Variants in HDAC9 observed in about 807,000 individuals in gnomAD.
HDAC9 encodes MEF-2 interacting transcription repressor (MITR) protein.
A neutral mutation model predicts 139.4 loss-of-function variants in HDAC9; 41 were observed. That is an observed-to-expected ratio of 0.29 (90% CI 0.23 to 0.38). HDAC9 has a LOEUF of 0.38. Ranked by LOEUF, HDAC9 falls within the 10% of genes least tolerant of loss-of-function variation. The pLI, the probability that HDAC9 is intolerant of heterozygous loss-of-function variation, is 1.00. For missense variants in HDAC9, 1,147 were observed against 1,297.0 expected (o/e 0.88, Z 1.78); for synonymous variants, 517 against 476.2 (o/e 1.09, Z -1.12).
Position 18,537,509 on chromosome 7 carries a change from G to A in HDAC9, c.22+41185G>A, listed in dbSNP as rs367771736. Among the ~76,000 whole-genome samples, 10 of 152,082 alleles carry A rather than the reference G, an allele frequency of 6.6e-5. 1 individual carries two copies. Among genetic ancestry groups the A allele is most frequent in the African/African-American group, 2.4e-4 (10 of 41,496 alleles). On this transcript the variant is annotated intron_variant, in intron 2 of 25. Coordinates refer to ENST00000686413, the MANE Select transcript of HDAC9 (RefSeq NM_178425.4). ...TATTTTTAAATAAATAAAATAAATA[G>A]GGATCAAAAGCAGAAACTTTTTTTT...
chr7:18,768,541 T>C (rs1463684351), intron 16 of HDAC9, among the ~76,000 whole-genome samples: 1 of 152,214 alleles, frequency 6.6e-6, no homozygotes, highest in Non-Finnish European at 1.5e-5. Flanking sequence ...TGCAAAATCA[T>C]TCTGGAAAGC....
At chr7:18,913,817 C>A (rs1802949754) in intron 22 of HDAC9, among the ~76,000 whole-genome samples, 1 of 151,996 alleles carries the variant, frequency 6.6e-6, no homozygotes, top group Non-Finnish European at 1.5e-5. Context: ...TATAAGTACT[C>A]ATTGTAAATT....
At chr7:18,900,073 C>A (rs1801557688) in intron 22 of HDAC9, among the ~76,000 whole-genome samples, 1 of 151,984 alleles carries the variant, frequency 6.6e-6, no homozygotes, top group Admixed American at 6.6e-5. Context: ...ACAAAGACTT[C>A]TATCAGCATA....
At chr7:18,243,776 A>G (rs550765201) in intron 2 of HDAC9, among the ~76,000 whole-genome samples, 18 of 152,294 alleles carry the variant, frequency 1.2e-4, no homozygotes, top group Admixed American at 1.0e-3. Context: ...TAAAAAATTT[A>G]TTTTATTTTT....
At chr7:18,592,294 A>G (rs1831221197) in intron 5 of HDAC9, among the ~76,000 whole-genome samples, 1 of 152,118 alleles carries the variant, frequency 6.6e-6, no homozygotes, top group Non-Finnish European at 1.5e-5. Flanking sequence ...GGCTCCTGAC[A>G]CACAACCTGA....
intron 13 of HDAC9, among the ~76,000 whole-genome samples, chr7:18,732,669 A>ATGTGTACACACACGTG (rs1562891987): frequency 8.1e-6 from 1 of 123,556 alleles, no homozygotes; most frequent in African/African-American, 3.5e-5. Flanking sequence ...ACACACGTGT[A>ATGTGTACACACACGTG]TATGTGTGCG....
At chr7:18,387,030 C>T (rs1585540640) in intron 1 of HDAC9, among the ~76,000 whole-genome samples, 1 of 152,142 alleles carries the variant, frequency 6.6e-6, no homozygotes, top group African/African-American at 2.4e-5. Flanking sequence ...GATTGCCAGT[C>T]TCAGATCTGC....
At chr7:18,237,012 G>A (rs2128187493) in intron 2 of HDAC9, among the ~76,000 whole-genome samples, 1 of 152,254 alleles carries the variant, frequency 6.6e-6, no homozygotes, top group Non-Finnish European at 1.5e-5. Context: ...CTTAGTTCTG[G>A]GCAAGCCAGT....
rs143822110 is a variant in HDAC9, at chr7:18,733,067, A to G, written c.1909+5310A>G. ...TACATATATACATGTGTATATACGT[A>G]TATACACATGTATACACATATATAC... On this transcript the variant is annotated intron_variant, in intron 13 of 25. Coordinates refer to ENST00000686413, the MANE Select transcript of HDAC9 (RefSeq NM_178425.4). Among the ~76,000 whole-genome samples, 3 of 145,740 alleles carry G rather than the reference A, an allele frequency of 2.1e-5. No homozygotes were observed. The East Asian group carries it at 6.2e-4, about 30-fold the overall frequency.
chr7:18,966,667 C>A (rs1478466680), intron 24 of HDAC9, among the ~76,000 whole-genome samples: 1 of 152,024 alleles, frequency 6.6e-6, no homozygotes, highest in Non-Finnish European at 1.5e-5. Flanking sequence ...CACCACCGCG[C>A]TCCAGCCTGG....
chr7:18,379,196 A>G (rs966024730), intron 1 of HDAC9, among the ~76,000 whole-genome samples: 2 of 152,232 alleles, frequency 1.3e-5, no homozygotes, highest in Admixed American at 6.5e-5. Context: ...AATACAAACT[A>G]CATTATTTTT....
At chr7:18,774,424 T>G (rs887200749) in intron 16 of HDAC9, among the ~76,000 whole-genome samples, 6 of 152,068 alleles carry the variant, frequency 3.9e-5, no homozygotes, top group Non-Finnish European at 1.5e-5. Flanking sequence ...GCAGATTCAG[T>G]TCCAGAGCAA....
At chr7:18,817,038 G>GA (rs1794612347) in intron 17 of HDAC9, among the ~76,000 whole-genome samples, 1 of 140,436 alleles carries the variant, frequency 7.1e-6, no homozygotes. Context: ...GAAGTTTTTT[G>GA]TTTTTTTTTT....
intron 21 of HDAC9, among the ~76,000 whole-genome samples, chr7:18,843,832 A>T (rs1377878794): frequency 6.6e-6 from 1 of 152,146 alleles, no homozygotes; most frequent in Non-Finnish European, 1.5e-5. Flanking sequence ...AGCTAGATAA[A>T]TATAATGGCT....
chr7:18,878,791 A>G (rs1799511848), intron 22 of HDAC9, among the ~76,000 whole-genome samples: 1 of 151,472 alleles, frequency 6.6e-6, no homozygotes. Context: ...TATTCAACAC[A>G]CTTTAGAAAT....
At chr7:18,953,390 A>T (rs894274673) in intron 23 of HDAC9, among the ~76,000 whole-genome samples, 1 of 152,128 alleles carries the variant, frequency 6.6e-6, no homozygotes, top group East Asian at 1.9e-4. Context: ...GGGATGTGTT[A>T]TCAGACTTAG....
chr7:18,936,166 T>A (rs1394009123), intron 23 of HDAC9, among the ~76,000 whole-genome samples: 2 of 152,210 alleles, frequency 1.3e-5, no homozygotes, highest in African/African-American at 4.8e-5. Context: ...AGGTTAGCCA[T>A]GGAGCTCAAA....
At chr7:18,810,329 A>C (rs1187329191) in intron 17 of HDAC9, among the ~76,000 whole-genome samples, 1 of 151,938 alleles carries the variant, frequency 6.6e-6, no homozygotes, top group Non-Finnish European at 1.5e-5. Context: ...TCACATCTGC[A>C]AAGTCTTTTT....
At chr7:18,749,266 T>C in intron 14 of HDAC9, 128 bp downstream of exon 14, 1 of 986,836 alleles carries the variant, frequency 1.0e-6, no homozygotes, top group Non-Finnish European at 1.5e-6. Flanking sequence ...TGAACCATCA[T>C]AGATTCAGGT....
Sources: allele counts gnomAD v4.1 joint callset (sites outside exome capture counted in the v4.1 genomes callset), GRCh38; gene constraint gnomAD v4.1.1; transcripts MANE v1.5; gene names NCBI Gene and HGNC (gene_info 2026-07-23, HGNC 2026-07-21).